Variants in UBE2Q1 observed in about 807,000 individuals in gnomAD.
UBE2Q1 encodes ubiquitin-conjugating enzyme E2 Q1.
Under a neutral mutation model 60.1 loss-of-function variants are expected in UBE2Q1, and 6 were observed. The ratio of observed to expected loss-of-function variants is 0.10; its 90% CI spans 0.05 to 0.20. UBE2Q1 has a LOEUF of 0.20. UBE2Q1 is among the 10% of genes least tolerant of loss of function. The probability of loss-of-function intolerance (pLI) is 1.00; values close to 1 mark genes in which losing one functional copy is unlikely to be tolerated. For missense variants in UBE2Q1, 262 were observed against 525.8 expected (o/e 0.50, Z 4.91); for synonymous variants, 226 against 208.3 (o/e 1.09, Z -0.73).
chr1:154,549,635 C>T lies in UBE2Q1; in HGVS notation c.*803G>A, dbSNP rs1273247870. The T allele has an allele frequency of 6.5e-6, 1 of 152,808 alleles. No individual in the cohort carries two copies. Among genetic ancestry groups the T allele is most frequent in the East Asian group, 1.9e-4 (1 of 5,196 alleles). The allele number at this position is 152,808 out of a possible 1,614,324, so 9.5% of individuals were successfully genotyped here. ...ATTCAAAAGGAATTCTACGAAGCAG[C>T]CTCTTGAGCCTCATTTTCTTTTTCT... On this transcript the variant is annotated 3_prime_UTR_variant, in exon 13 of 13. Transcript: ENST00000292211.
At chr1:154,552,981 C>T (rs1339797779) in intron 5 of UBE2Q1, 51 bp downstream of exon 5, 1 of 1,608,316 alleles carries the variant, frequency 6.2e-7, no homozygotes, top group African/African-American at 1.3e-5. Flanking sequence ...TACTACTTCC[C>T]AGCCATTTCC....
At chr1:154,557,950 G>A (rs1383666972) in intron 1 of UBE2Q1, among the ~76,000 whole-genome samples, 5 of 152,044 alleles carry the variant, frequency 3.3e-5, no homozygotes, top group Admixed American at 1.3e-4. Context: ...GCCAAAAAGA[G>A]CCAAAATCAT....
At chr1:154,557,415 A>T (rs545778879) in intron 1 of UBE2Q1, among the ~76,000 whole-genome samples, 60 of 152,368 alleles carry the variant, frequency 3.9e-4, no homozygotes, top group African/African-American at 1.3e-3. Flanking sequence ...GTCTGAGGGT[A>T]GACCAGGCAG....
chr1:154,555,839 C>G (rs1012127658), intron 2 of UBE2Q1, 21 bp downstream of exon 2: 1 of 1,608,358 alleles, frequency 6.2e-7, no homozygotes, highest in Non-Finnish European at 8.5e-7. Context: ...AAAATGTACC[C>G]CTACCCTGTG....
chr1:154,550,832 G>A lies in UBE2Q1; in HGVS notation c.1237+106C>T. Reference sequence around the variant, plus strand: ...TGGGGCAGGTGCTGTGTTAATGGGTGGTTGAGTATCAGAAACCAAAAGAAG... The same window carrying A: ...TGGGGCAGGTGCTGTGTTAATGGGTAGTTGAGTATCAGAAACCAAAAGAAG... On this transcript the variant is annotated intron_variant, in intron 12 of 12. Transcript: ENST00000292211. 2.1e-5 allele frequency: 33 copies of A among 1,596,838 alleles called. 3 individuals are homozygous for A. The South Asian group carries it at 3.7e-4, about 18-fold the overall frequency.
rs757287266 is a variant in UBE2Q1 at position 154,551,981 on chromosome 1, TGA to T, written c.967-4_967-3del. On this transcript the variant is annotated splice_region_variant and splice_polypyrimidine_tract_variant and intron_variant, in intron 8 of 12. Transcript: ENST00000292211. ...TGGTGGGTCAAAGGGAAAGTTATCC[TGA>T]GAGAGAGAGAGACGACAATCAGGGG... is the stretch of plus-strand genomic sequence containing the variant. 44 of 1,600,708 alleles carry T rather than the reference TGA, an allele frequency of 2.7e-5. No individual in the cohort carries two copies. Among genetic ancestry groups the T allele is most frequent in the South Asian group, 3.3e-5 (3 of 90,320 alleles).
At chr1:154,552,645 C>T in intron 6 of UBE2Q1, 91 bp downstream of exon 6, 1 of 1,512,698 alleles carries the variant, frequency 6.6e-7, no homozygotes, top group Admixed American at 1.9e-5. Context: ...TTCATAAGCA[C>T]TCCTGGACCC....
At chr1:154,553,826 T>C (rs1406223917) in intron 4 of UBE2Q1, among the ~76,000 whole-genome samples, 1 of 152,208 alleles carries the variant, frequency 6.6e-6, no homozygotes, top group East Asian at 1.9e-4. Flanking sequence ...AGAACCTATG[T>C]AGGGTTGAGC....
chr1:154,558,563 C>A lies in UBE2Q1; in HGVS notation c.-10G>T, dbSNP rs1279726040. 3 of 1,040,378 alleles carry A rather than the reference C, an allele frequency of 2.9e-6. No homozygotes were observed. Among genetic ancestry groups the A allele is most frequent in the African/African-American group, 1.7e-5 (1 of 57,704 alleles). 64.4% of individuals were successfully genotyped at this position (1,040,378 alleles called of 1,614,324 possible). On this transcript the variant is annotated 5_prime_UTR_variant, in exon 1 of 13. Transcript: ENST00000292211. ...GCTGCGGCTGCTGCATCCTCCGCTC[C>A]GCTCCGCTCCGGGGCCGGCGGGCCG...
chr1:154,556,642 A>G (rs1248167606), intron 1 of UBE2Q1, among the ~76,000 whole-genome samples: 1 of 152,208 alleles, frequency 6.6e-6, no homozygotes, highest in Non-Finnish European at 1.5e-5. Flanking sequence ...CATTCCCAGC[A>G]TTCCTGAGCC....
rs919905299 is a variant in UBE2Q1, at chr1:154,548,958, T to C, written c.*1480A>G. ...GGGGAAAGAATGGCCAATGTGAAAATTGCTGTGTCTCAAAGCATTACAGAA... is the reference window on the plus strand; with the variant it reads ...GGGGAAAGAATGGCCAATGTGAAAACTGCTGTGTCTCAAAGCATTACAGAA... On this transcript the variant is annotated 3_prime_UTR_variant, in exon 13 of 13. Coordinates refer to ENST00000292211, the MANE Select transcript of UBE2Q1 (RefSeq NM_017582.7). The C allele has an allele frequency of 3.3e-5, 5 of 152,518 alleles. No homozygotes were observed. The highest frequency in any genetic ancestry group is 4.8e-5 in the African/African-American group (2 of 41,396). The allele number at this position is 152,518 out of a possible 1,614,324, so 9.4% of individuals were successfully genotyped here.
At chr1:154,552,525 G>GCAGA (rs1399671548) in intron 6 of UBE2Q1, 61 bp from the exon 7 acceptor site, 4 of 1,578,506 alleles carry the variant, frequency 2.5e-6, no homozygotes, top group Non-Finnish European at 3.5e-6. Flanking sequence ...GGTCTCTAAT[G>GCAGA]CAGACCCCTT....
At chr1:154,556,953 C>T (rs997329640) in intron 1 of UBE2Q1, among the ~76,000 whole-genome samples, 3 of 152,224 alleles carry the variant, frequency 2.0e-5, no homozygotes, top group Non-Finnish European at 4.4e-5. Context: ...TGACTCTAAT[C>T]CTCAATGCTG....
chr1:154,554,824 G>A (rs1695854716), intron 3 of UBE2Q1, 39 bp from the exon 4 acceptor site: 1 of 1,607,866 alleles, frequency 6.2e-7, no homozygotes, highest in Admixed American at 1.7e-5. Flanking sequence ...CAGAGCCCCA[G>A]TGGCTTGCTA....
intron 4 of UBE2Q1, among the ~76,000 whole-genome samples, chr1:154,553,940 G>A (rs1480211695): frequency 6.6e-6 from 1 of 152,180 alleles, no homozygotes; most frequent in Non-Finnish European, 1.5e-5. Context: ...ACCTTACACG[G>A]TTATAGAACC....
In UBE2Q1 at chr1:154,558,517, C is replaced by CCGGCTGCTGCTGCCCATGCGGCTG; in HGVS notation, c.36_37insCAGCCGCATGGGCAGCAGCAGCCG (p.Pro12_Gly13insGlnProHisGlyGlnGlnGlnPro). ...TGGCCCCCCAGCTGCTGCCCCGGCC[C>CCGGCTGCTGCTGCCCATGCGGCTG]CGGCTGCTGCTGCCCCTGCGGCTGC... On this transcript the variant is annotated inframe_insertion, in exon 1 of 13. Transcript: ENST00000292211. The CCGGCTGCTGCTGCCCATGCGGCTG allele has an allele frequency of 8.7e-7, 1 of 1,146,174 alleles. No homozygotes were observed. The highest frequency in any genetic ancestry group is 1.1e-6 in the Non-Finnish European group (1 of 939,508). 71.0% of individuals were successfully genotyped at this position (1,146,174 alleles called of 1,614,324 possible).
Position 154,558,285 on chromosome 1 carries a change from T to C in UBE2Q1, c.269A>G (p.His90Arg). The change falls in exon 1 of 13, where the codon CAT (histidine) becomes CGT (arginine). Residue 90 changes from histidine to arginine, a missense_variant. Coordinates refer to ENST00000292211, the MANE Select transcript of UBE2Q1 (RefSeq NM_017582.7). ...GAGAGAAPGP[H>R]LPPRGSVPGD... ...AGGCACCGACCCCCGTGGGGGGAGA[T>C]GCGGTCCGGGCGCGGCCCCCGCCCC... 2 of 1,580,750 alleles carry C rather than the reference T, an allele frequency of 1.3e-6. No individual in the cohort carries two copies. The highest frequency in any genetic ancestry group is 2.3e-5 in the South Asian group (2 of 87,668).
In UBE2Q1 at chr1:154,558,450, G is replaced by C; in HGVS notation, c.104C>G (p.Pro35Arg). 1 of 1,467,128 alleles carries C rather than the reference G, an allele frequency of 6.8e-7. No homozygotes were observed. The highest frequency in any genetic ancestry group is 9.0e-7 in the Non-Finnish European group (1 of 1,113,468). The allele number at this position is 1,467,128 out of a possible 1,614,324, so 90.9% of individuals were successfully genotyped here. A position where few individuals can be genotyped will look rare whatever the true frequency, so the allele number is the denominator to read the frequency against. Reference protein sequence around the residue: ...PGAGGGPGGGPGPGPCLRREL... With the variant: ...PGAGGGPGGGRGPGPCLRREL... ...TCGCCTCAGGCAGGGCCCCGGCCCCGGGCCCCCCCCTGGGCCGCCCCCGGC... is the reference window on the plus strand; with the variant it reads ...TCGCCTCAGGCAGGGCCCCGGCCCCCGGCCCCCCCCTGGGCCGCCCCCGGC... Residue 35 changes from proline to arginine, a missense_variant, in exon 1 of 13, where the codon CCG becomes CGG. Pro to Arg is a moderately radical substitution (Grantham distance 103, BLOSUM62 -2). Transcript: ENST00000292211.
At chr1:154,551,171 CAT>C (rs754046234) in intron 11 of UBE2Q1, 167 bp from the exon 12 acceptor site, 91 of 889,608 alleles carry the variant, frequency 1.0e-4, no homozygotes, top group Admixed American at 1.9e-4. Context: ...GGCATAATCC[CAT>C]AGTCTTCCTT....
Sources: allele counts gnomAD v4.1 joint callset (sites outside exome capture counted in the v4.1 genomes callset), GRCh38; gene constraint gnomAD v4.1.1; transcripts MANE v1.5; gene names NCBI Gene and HGNC (gene_info 2026-07-23, HGNC 2026-07-21).